The following HTR1E variants were observed in gnomAD, a reference collection of about 807,000 sequenced individuals.
The protein encoded by HTR1E is 5-HT-1E.
A neutral mutation model predicts 3.4 loss-of-function variants in HTR1E; 3 were observed. That is an observed-to-expected ratio of 0.89 (90% CI 0.41 to 2.31). The LOEUF (loss-of-function observed/expected upper bound fraction) is 2.31. Among genes scored for constraint, HTR1E ranks in the 30% most tolerant of loss-of-function variants. HTR1E has a pLI of 0.05. For missense variants in HTR1E, 392 were observed against 467.0 expected (o/e 0.84, Z 1.48); for synonymous variants, 170 against 182.8 (o/e 0.93, Z 0.56).
At chr6:86,955,236 C>A (rs550203739) in intron 1 of HTR1E, among the ~76,000 whole-genome samples, 1 of 152,190 alleles carries the variant, frequency 6.6e-6, no homozygotes. Context: ...TCAGGCAGGT[C>A]CACCTCCCTG....
At chr6:87,010,087 G>A (rs1204473316) in intron 1 of HTR1E, among the ~76,000 whole-genome samples, 257 of 139,054 alleles carry the variant, frequency 1.8e-3, no homozygotes, top group African/African-American at 6.8e-3. Flanking sequence ...CTCCCGGACG[G>A]GGTGGCTGGC....
chr6:86,978,485 G>A (rs547318392), intron 1 of HTR1E, among the ~76,000 whole-genome samples: 1 of 152,142 alleles, frequency 6.6e-6, no homozygotes, highest in Non-Finnish European at 1.5e-5. Flanking sequence ...GTCTAATGGA[G>A]CAGAAATATG....
chr6:87,015,066 A>G, intron 1 of HTR1E, 84 bp from the exon 2 acceptor site: 1 of 261,300 alleles, frequency 3.8e-6, no homozygotes, highest in Admixed American at 5.3e-5. Context: ...TTTATAAAGA[A>G]TTTATAAATA....
intron 1 of HTR1E, among the ~76,000 whole-genome samples, chr6:87,009,607 A>T (rs1410887343): frequency 2.0e-5 from 3 of 147,548 alleles, no homozygotes; most frequent in Non-Finnish European, 4.5e-5. Flanking sequence ...GTGGCCGGGC[A>T]GAGGGGCTCC....
chr6:86,946,812 G>A (rs1312406546), intron 1 of HTR1E, among the ~76,000 whole-genome samples: 1 of 152,006 alleles, frequency 6.6e-6, no homozygotes, highest in African/African-American at 2.4e-5. Flanking sequence ...TTTAGAAACT[G>A]AACCATAATT....
At chr6:86,943,048 T>C (rs536194208) in intron 1 of HTR1E, among the ~76,000 whole-genome samples, 1 of 152,356 alleles carries the variant, frequency 6.6e-6, no homozygotes, top group South Asian at 2.1e-4. Context: ...TTAAGTGTAC[T>C]GAGTACCCTT....
intron 1 of HTR1E, among the ~76,000 whole-genome samples, chr6:86,983,924 A>G (rs912831914): frequency 2.0e-5 from 3 of 152,156 alleles, no homozygotes; most frequent in African/African-American, 4.8e-5. Context: ...TTACAAAAAT[A>G]ATATTTTAAA....
chr6:86,954,661 C>T (rs1767296018), intron 1 of HTR1E, among the ~76,000 whole-genome samples: 1 of 152,148 alleles, frequency 6.6e-6, no homozygotes, highest in South Asian at 2.1e-4. Flanking sequence ...AATGGCAAAG[C>T]CCGTATGCCC....
At chr6:86,949,917 G>A (rs1767203158) in intron 1 of HTR1E, among the ~76,000 whole-genome samples, 1 of 151,988 alleles carries the variant, frequency 6.6e-6, no homozygotes. Context: ...GTAGGCTCCC[G>A]TTACCTAACC....
At chr6:86,964,625 C>T (rs1371129284) in intron 1 of HTR1E, among the ~76,000 whole-genome samples, 1 of 152,160 alleles carries the variant, frequency 6.6e-6, no homozygotes, top group African/African-American at 2.4e-5. Context: ...AAGTTGTAAA[C>T]TTTGTCTAAG....
At chr6:87,011,168 G>A (rs887239419) in intron 1 of HTR1E, among the ~76,000 whole-genome samples, 5 of 152,222 alleles carry the variant, frequency 3.3e-5, no homozygotes, top group Admixed American at 1.3e-4. Flanking sequence ...ATCATGTGGA[G>A]CCAGGAAATG....
In HTR1E at chr6:87,016,323, C is replaced by T. The variant is rs1240014715; in HGVS notation, c.989C>T (p.Thr330Met). ...TVSSEVADFLTWLGYVNSLIN... is the reference protein window; with the variant it reads ...TVSSEVADFLMWLGYVNSLIN... ...TCCTCGGAAGTGGCCGACTTTCTGACGTGGCTCGGTTATGTGAATTCTCTG... is the reference window on the plus strand; with the variant it reads ...TCCTCGGAAGTGGCCGACTTTCTGATGTGGCTCGGTTATGTGAATTCTCTG... Residue 330 changes from threonine (T) to methionine (M), a missense_variant, in exon 2 of 2, where the codon ACG becomes ATG. By Grantham distance (81) the Thr-to-Met change is moderately conservative. Around this residue, in one of 3 missense-constraint regions of HTR1E, gnomAD observed 25 missense variants for 44.1 expected, o/e 0.57. Transcript: ENST00000305344. 3 of 1,614,060 alleles carry T rather than the reference C, an allele frequency of 1.9e-6. No individual in the cohort carries two copies. Among genetic ancestry groups the T allele is most frequent in the Non-Finnish European group, 2.5e-6 (3 of 1,180,032 alleles).
chr6:86,980,818 T>C (rs1406027484), intron 1 of HTR1E, among the ~76,000 whole-genome samples: 1 of 152,214 alleles, frequency 6.6e-6, no homozygotes, highest in Non-Finnish European at 1.5e-5. Flanking sequence ...CTCCAAATTA[T>C]ACTAATTCCT....
chr6:86,997,250 G>T (rs895445200), intron 1 of HTR1E, among the ~76,000 whole-genome samples: 1 of 151,794 alleles, frequency 6.6e-6, no homozygotes, highest in Non-Finnish European at 1.5e-5. Flanking sequence ...TCTTAATAGA[G>T]AATAACTAAA....
chr6:87,007,698 G>A (rs1408570301), intron 1 of HTR1E, among the ~76,000 whole-genome samples: 1 of 152,146 alleles, frequency 6.6e-6, no homozygotes, highest in Non-Finnish European at 1.5e-5. Context: ...CACTGTGGGA[G>A]GCCGAGGTGG....
At position 87,016,151 on chromosome 6, in the gene HTR1E, G is replaced by A; in HGVS notation, c.817G>A (p.Asp273Asn). 1 of 1,614,108 alleles carries A rather than the reference G, an allele frequency of 6.2e-7. No individual in the cohort carries two copies. The highest frequency in any genetic ancestry group is 8.5e-7 in the Non-Finnish European group (1 of 1,180,016). ...GATCCCCCCCTTCGACAATGATCTA[G>A]ATCACCCAGGAGAACGTCAGCAGAT... ...IRIPPFDNDL[D>N]HPGERQQISS... Residue 273 changes from aspartate (D) to asparagine (N), a missense_variant, in exon 2 of 2, where the codon GAT becomes AAT. Physicochemically the swap from Asp to Asn is conservative, Grantham distance 23. Transcript: ENST00000305344.
chr6:86,967,170 A>G (rs996670586), intron 1 of HTR1E, among the ~76,000 whole-genome samples: 1 of 152,210 alleles, frequency 6.6e-6, no homozygotes, highest in Non-Finnish European at 1.5e-5. Context: ...CCCTTCCCCC[A>G]TGGCATATCA....
rs200002987 is a variant in HTR1E, at chr6:87,014,254, T to TATAATA, written c.-185-861_-185-856dup. Among the ~76,000 whole-genome samples the TATAATA allele has an allele frequency of 5.2e-3, 755 of 143,824 alleles. 3 individuals are homozygous for TATAATA. Among genetic ancestry groups the TATAATA allele is most frequent in the Middle Eastern group, 0.011 (3 of 280 alleles). The allele number at this position is 143,824 out of a possible 152,430, so 94.4% of individuals were successfully genotyped here. A position where few individuals can be genotyped will look rare whatever the true frequency, so the allele number is the denominator to read the frequency against. ...TGCACCTGTACCCTAGAACTTAAAG[T>TATAATA]ATAATAATAATAATAATAATAATAA... is the stretch of plus-strand genomic sequence containing the variant. On this transcript the variant is annotated intron_variant, in intron 1 of 1. Transcript: ENST00000305344.
At chr6:86,982,724 G>T (rs1221933656) in intron 1 of HTR1E, among the ~76,000 whole-genome samples, 1 of 152,176 alleles carries the variant, frequency 6.6e-6, no homozygotes, top group Non-Finnish European at 1.5e-5. Flanking sequence ...GTGAAACAAA[G>T]AACGATTATA....
Sources: gnomAD v4.1 joint callset for allele counts (sites outside exome capture counted in the v4.1 genomes callset) on GRCh38, gnomAD v4.1.1 for gene constraint, gnomAD v4.1.1 regional missense constraint, MANE v1.5 for transcripts, NCBI Gene and HGNC (gene_info 2026-07-23, HGNC 2026-07-21) for gene names.